The following MAPKAPK5 variants were observed in gnomAD, a reference collection of about 807,000 sequenced individuals.
MAPKAPK5 encodes MAP kinase-activated protein kinase 5.
A neutral mutation model predicts 65.1 loss-of-function variants in MAPKAPK5; 30 were observed. The ratio of observed to expected loss-of-function variants is 0.46; its 90% CI spans 0.34 to 0.63. The LOEUF (loss-of-function observed/expected upper bound fraction) is 0.63, where lower values mean the gene tolerates loss of function less well. MAPKAPK5 is among the 20% of genes least tolerant of loss of function. The pLI is 0.01. For synonymous variants in MAPKAPK5, 179 were observed against 204.6 expected (o/e 0.87, Z 1.07); for missense variants, 433 against 581.4 (o/e 0.74, Z 2.63).
At chr12:111,885,815 A>T in intron 9 of MAPKAPK5, 101 bp from the exon 10 acceptor site, 1 of 1,478,178 alleles carries the variant, frequency 6.8e-7, no homozygotes, top group Non-Finnish European at 9.2e-7. Flanking sequence ...GGCTTGCAGA[A>T]GTCAGAAGTA....
intron 7 of MAPKAPK5, among the ~76,000 whole-genome samples, chr12:111,876,205 CA>C (rs751802746): frequency 0.015 from 670 of 43,568 alleles, 2 homozygotes; most frequent in African/African-American, 0.033. Context: ...GACTCCATCT[CA>C]AAAAAAAAAA....
chr12:111,888,208 T>A (rs1053432006), intron 10 of MAPKAPK5: 1 of 344,348 alleles, frequency 2.9e-6, no homozygotes, highest in African/African-American at 2.1e-5. Context: ...CAGTAGTGGC[T>A]TTGAGTGGGG....
In MAPKAPK5 at chr12:111,888,534, A is replaced by T; in HGVS notation, c.1016A>T (p.Asn339Ile). 6.2e-7 allele frequency: 1 copy of T among 1,614,042 alleles called. No homozygotes were observed. The highest frequency in any genetic ancestry group is 8.5e-7 in the Non-Finnish European group (1 of 1,179,890). Residue 339 changes from asparagine to isoleucine, a missense_variant, in exon 11 of 14, where the codon AAC becomes ATC. Physicochemically the swap from Asn to Ile is moderately radical, Grantham distance 149 (BLOSUM62 -3). This residue lies in a region of MAPKAPK5 where 169 missense variants were observed against 215.6 expected (regional missense o/e 0.78). Transcript: ENST00000550735. ...IQQAHAEQLA[N>I]MRIQDLKVSL... is the part of the protein sequence containing the mutation. The stretch of plus-strand genomic sequence containing the variant: ...CAGGCTCACGCGGAACAGTTGGCCA[A>T]CATGAGAATCCAGGATCTGAAAGTC...
At position 111,864,104 on chromosome 12, in the gene MAPKAPK5, AAAAAAAG is replaced by A. The variant is rs567041179; in HGVS notation, c.37-1132_37-1126del. On this transcript the variant is annotated intron_variant, in intron 1 of 13. Coordinates refer to ENST00000550735, the MANE Select transcript of MAPKAPK5 (RefSeq NM_003668.4). ...GGCAACATAGCAAGACCCTGTCTCTAAAAAAAGAAAAAAGAAAAAAATTAGCCAGATG... is the reference window on the plus strand; with the variant it reads ...GGCAACATAGCAAGACCCTGTCTCTAAAAAAAGAAAAAAATTAGCCAGATG... Among the ~76,000 whole-genome samples, 383 of 151,976 alleles carry A rather than the reference AAAAAAAG, an allele frequency of 2.5e-3. 3 individuals are homozygous for A. Among genetic ancestry groups the A allele is most frequent in the African/African-American group, 8.7e-3 (361 of 41,440 alleles).
intron 10 of MAPKAPK5, among the ~76,000 whole-genome samples, chr12:111,887,209 C>T (rs913444761): frequency 1.3e-5 from 2 of 152,142 alleles, no homozygotes; most frequent in African/African-American, 4.8e-5. Flanking sequence ...CTAAGTTTAG[C>T]TGGAGCATGG....
intron 1 of MAPKAPK5, among the ~76,000 whole-genome samples, chr12:111,853,329 G>A (rs1446053586): frequency 1.3e-5 from 2 of 151,732 alleles, no homozygotes; most frequent in Non-Finnish European, 1.5e-5. Flanking sequence ...CCAAGATGGC[G>A]CCACTGCACT....
chr12:111,887,168 G>A (rs1206092712), intron 10 of MAPKAPK5, among the ~76,000 whole-genome samples: 1 of 152,202 alleles, frequency 6.6e-6, no homozygotes, highest in Non-Finnish European at 1.5e-5. Context: ...CAGCTTTGAA[G>A]GGGTAGGGTG....
intron 1 of MAPKAPK5, among the ~76,000 whole-genome samples, chr12:111,849,790 C>T (rs763284436): frequency 7.2e-5 from 11 of 152,134 alleles, no homozygotes; most frequent in South Asian, 4.2e-4. Flanking sequence ...GATCACAGTT[C>T]GCTGCAGCCA....
chr12:111,868,203 T>C (rs1051403134), intron 4 of MAPKAPK5, among the ~76,000 whole-genome samples: 1 of 152,258 alleles, frequency 6.6e-6, no homozygotes, highest in African/African-American at 2.4e-5. Context: ...TAAGTCTCTT[T>C]GTTAAAATTC....
intron 2 of MAPKAPK5, 132 bp from the exon 3 acceptor site, chr12:111,866,024 G>C: frequency 1.5e-6 from 1 of 660,516 alleles, no homozygotes; most frequent in South Asian, 2.0e-5. Flanking sequence ...GCTACCCTTG[G>C]GGGCAAGTTT....
intron 2 of MAPKAPK5, among the ~76,000 whole-genome samples, chr12:111,865,696 TGTG>T (rs1437374989): frequency 1.3e-5 from 2 of 151,244 alleles, no homozygotes; most frequent in African/African-American, 2.4e-5. Flanking sequence ...ATTAGCCAGG[TGTG>T]GTGGTGGGTG....
intron 1 of MAPKAPK5, among the ~76,000 whole-genome samples, chr12:111,853,620 C>T (rs990166016): frequency 2.2e-4 from 34 of 152,132 alleles, no homozygotes; most frequent in African/African-American, 5.5e-4. Context: ...CTGCAACCTC[C>T]GCCTCCCGGG....
chr12:111,899,457 A>T lies in MAPKAPK5; in HGVS notation c.*6396A>T, dbSNP rs544808993. On this transcript the variant is annotated 3_prime_UTR_variant, in exon 14 of 14. Coordinates refer to ENST00000550735, the MANE Select transcript of MAPKAPK5 (RefSeq NM_003668.4). ...GCTTTTGGTGATTTTTGTGCCAAGC[A>T]TGTACTGTCACCTGGGATCAATCTA... The T allele has an allele frequency of 6.1e-6, 1 of 162,644 alleles. No homozygotes were observed. Among genetic ancestry groups the T allele is most frequent in the South Asian group, 1.7e-4 (1 of 6,024 alleles). 10.1% of individuals were successfully genotyped at this position (162,644 alleles called of 1,614,324 possible). A position where few individuals can be genotyped will look rare whatever the true frequency, so the allele number is the denominator to read the frequency against.
At chr12:111,877,697 T>C (rs2070036203) in intron 7 of MAPKAPK5, among the ~76,000 whole-genome samples, 3 of 152,198 alleles carry the variant, frequency 2.0e-5, no homozygotes, top group Admixed American at 2.0e-4. Flanking sequence ...TTTTTTTTGT[T>C]GGAGACAGGG....
At chr12:111,857,272 G>A (rs1488937882) in intron 1 of MAPKAPK5, among the ~76,000 whole-genome samples, 3 of 146,002 alleles carry the variant, frequency 2.1e-5, no homozygotes, top group East Asian at 2.0e-4. Context: ...ATGGAGCCTC[G>A]CTCCCGTTGC....
At position 111,871,200 on chromosome 12, in the gene MAPKAPK5, G is replaced by A; in HGVS notation, c.579+20G>A. On this transcript the variant is annotated intron_variant, in intron 7 of 13. Transcript: ENST00000550735. ...CCCCAGGTAAGCATGTGCGGTTTCT[G>A]TCCTAAGATCTGTCACCAAGCTGCC... 6.2e-7 allele frequency: 1 copy of A among 1,600,814 alleles called. No individual in the cohort carries two copies. Among genetic ancestry groups the A allele is most frequent in the African/African-American group, 1.3e-5 (1 of 74,576 alleles).
In MAPKAPK5 at chr12:111,894,900, C is replaced by CATCT. The variant is rs903414698; in HGVS notation, c.*1840_*1843dup. 6.6e-6 allele frequency: 1 copy of CATCT among 151,778 alleles called. No individual in the cohort carries two copies. The highest frequency in any genetic ancestry group is 1.5e-5 in the Non-Finnish European group (1 of 68,000). The allele number at this position is 151,778 out of a possible 1,614,324, so 9.4% of individuals were successfully genotyped here. A position where few individuals can be genotyped will look rare whatever the true frequency, so the allele number is the denominator to read the frequency against. On this transcript the variant is annotated 3_prime_UTR_variant, in exon 14 of 14. Coordinates refer to ENST00000550735, the MANE Select transcript of MAPKAPK5 (RefSeq NM_003668.4). ...AGTCATCTGTTATTCAATTTTTTCT[C>CATCT]ATCTCATTCTCTTCGATCAAAATTG...
intron 7 of MAPKAPK5, among the ~76,000 whole-genome samples, chr12:111,875,412 A>T (rs11066055): frequency 0.21 from 32,194 of 151,866 alleles, 3,834 homozygotes; most frequent in African/African-American, 0.32. Context: ...AAATTTTTTT[A>T]AAATATTCCA....
intron 10 of MAPKAPK5, among the ~76,000 whole-genome samples, chr12:111,886,879 C>T (rs1191385012): frequency 1.3e-5 from 2 of 152,118 alleles, no homozygotes; most frequent in Admixed American, 1.3e-4. Context: ...TCGGAGGTGG[C>T]TGTGGGAGCA....
Sources: gnomAD v4.1 joint callset for allele counts (sites outside exome capture counted in the v4.1 genomes callset) on GRCh38, gnomAD v4.1.1 for gene constraint, gnomAD v4.1.1 regional missense constraint, MANE v1.5 for transcripts, NCBI Gene and HGNC (gene_info 2026-07-23, HGNC 2026-07-21) for gene names.